RBFOX1: variants seen among roughly 807,000 people sequenced by gnomAD.
RBFOX1 encodes RNA binding protein fox-1 homolog 1.
In RBFOX1, 8 loss-of-function variants were observed where a neutral mutation model predicts 57.7. The observed-to-expected ratio is 0.14, with a 90% CI of 0.08 to 0.25. The LOEUF (loss-of-function observed/expected upper bound fraction) is 0.25, where lower values mean the gene tolerates loss of function less well. RBFOX1 is among the 10% of genes least tolerant of loss of function. RBFOX1 has a pLI of 1.00. For missense variants in RBFOX1, 611 were observed against 548.5 expected (o/e 1.11, Z -1.14); for synonymous variants, 326 against 222.4 (o/e 1.47, Z -4.15).
chr16:7,145,824 A>G (rs1312645319), intron 4 of RBFOX1, among the ~76,000 whole-genome samples: 1 of 152,050 alleles, frequency 6.6e-6, no homozygotes, highest in Non-Finnish European at 1.5e-5. Context: ...CACACACACT[A>G]CTTCTCCATG....
chr16:6,543,950 T>G (rs2096859483), intron 2 of RBFOX1, among the ~76,000 whole-genome samples: 1 of 152,194 alleles, frequency 6.6e-6, no homozygotes, highest in African/African-American at 2.4e-5. Context: ...GGCATTTTGC[T>G]TTTAAATCTA....
intron 4 of RBFOX1, among the ~76,000 whole-genome samples, chr16:7,261,265 A>G (rs932693590): frequency 1.3e-5 from 2 of 152,144 alleles, no homozygotes; most frequent in African/African-American, 4.8e-5. Flanking sequence ...ATTAAAGGAG[A>G]CAGTATATGA....
intron 3 of RBFOX1, among the ~76,000 whole-genome samples, chr16:6,706,711 CTTTTTTT>C (rs33986994): frequency 7.0e-6 from 1 of 142,256 alleles, no homozygotes. Flanking sequence ...CAGCTGCAGT[CTTTTTTT>C]TTTTTTTTTA....
At chr16:6,798,662 G>T (rs917853621) in intron 3 of RBFOX1, among the ~76,000 whole-genome samples, 1 of 152,096 alleles carries the variant, frequency 6.6e-6, no homozygotes, top group Non-Finnish European at 1.5e-5. Flanking sequence ...TGCTTTTTTG[G>T]CTTTAATTTT....
At chr16:7,389,430 G>C (rs74012532) in intron 4 of RBFOX1, among the ~76,000 whole-genome samples, 12,340 of 152,162 alleles carry the variant, frequency 0.081, 543 homozygotes, top group East Asian at 0.2. Flanking sequence ...CCAGCCAGAT[G>C]TAACTATTTA....
chr16:6,637,160 T>TTAAATATATAATATACAA (rs2098444714), intron 2 of RBFOX1, among the ~76,000 whole-genome samples: 1 of 87,354 alleles, frequency 1.1e-5, no homozygotes, highest in Non-Finnish European at 2.0e-5. Flanking sequence ...ACAATATATA[T>TTAAATATATAATATACAA]TATATATTAT....
intron 2 of RBFOX1, among the ~76,000 whole-genome samples, chr16:6,632,024 A>G (rs533693435): frequency 1.3e-5 from 2 of 152,244 alleles, no homozygotes; most frequent in East Asian, 1.9e-4. Flanking sequence ...ATCACACTCT[A>G]TTTGGATAAT....
intron 4 of RBFOX1, among the ~76,000 whole-genome samples, chr16:7,055,562 C>T (rs1026076464): frequency 6.6e-6 from 1 of 152,130 alleles, no homozygotes; most frequent in Non-Finnish European, 1.5e-5. Flanking sequence ...CTCCTTCACA[C>T]GTCTTGCATT....
At chr16:7,204,124 C>T (rs1281036137) in intron 4 of RBFOX1, among the ~76,000 whole-genome samples, 3 of 152,202 alleles carry the variant, frequency 2.0e-5, no homozygotes, top group Admixed American at 6.5e-5. Flanking sequence ...TCCACGGCAC[C>T]CACAGGGTAT....
At chr16:6,226,101 T>C (rs1349428460) in intron 1 of RBFOX1, among the ~76,000 whole-genome samples, 2 of 151,332 alleles carry the variant, frequency 1.3e-5, no homozygotes, top group African/African-American at 4.9e-5. Context: ...GGCTCATGCC[T>C]GTAATCCCAG....
intron 4 of RBFOX1, among the ~76,000 whole-genome samples, chr16:7,187,412 A>G (rs9926629): frequency 0.65 from 98,116 of 151,660 alleles, 32,474 homozygotes; most frequent in African/African-American, 0.79. Context: ...GCCCTTGGCC[A>G]GGCACGGTGG....
At chr16:6,308,535 C>G (rs1599460681) in intron 1 of RBFOX1, among the ~76,000 whole-genome samples, 1 of 152,204 alleles carries the variant, frequency 6.6e-6, no homozygotes, top group Non-Finnish European at 1.5e-5. Context: ...GTTGCCTGCA[C>G]TTGAACATCC....
Position 6,956,616 on chromosome 16 carries a change from C to G in RBFOX1, c.-15-95441C>G, listed in dbSNP as rs536631492. ...CAGAGGAGTGAGTGGTTCAAATCCA[C>G]AGCCCGTCTTCCCTTCTTGTGCCTG... On this transcript the variant is annotated intron_variant, in intron 3 of 15. Coordinates refer to ENST00000550418, the MANE Select transcript of RBFOX1 (RefSeq NM_018723.4). 2.0e-5 allele frequency among the ~76,000 whole-genome samples: 3 copies of G among 152,322 alleles called. No individual in the cohort carries two copies. In the East Asian group the frequency reaches 5.8e-4, roughly 29 times the overall value.
intron 2 of RBFOX1, among the ~76,000 whole-genome samples, chr16:6,426,949 G>A (rs1349047378): frequency 2.6e-5 from 4 of 151,998 alleles, no homozygotes; most frequent in Non-Finnish European, 5.9e-5. Flanking sequence ...CTCCATCAGT[G>A]TTTTGCCTTT....
chr16:6,933,256 G>C (rs1283109817), intron 3 of RBFOX1, among the ~76,000 whole-genome samples: 2 of 152,214 alleles, frequency 1.3e-5, no homozygotes, highest in Non-Finnish European at 2.9e-5. Context: ...GTGTATAGCT[G>C]CAAGTGAAAT....
intron 2 of RBFOX1, among the ~76,000 whole-genome samples, chr16:6,639,086 C>T (rs564042460): frequency 6.6e-6 from 1 of 152,310 alleles, no homozygotes; most frequent in South Asian, 2.1e-4. Context: ...CTCAGAGCAG[C>T]AGCCATTTCT....
chr16:6,545,891 C>T (rs2096887936), intron 2 of RBFOX1, among the ~76,000 whole-genome samples: 1 of 152,140 alleles, frequency 6.6e-6, no homozygotes, highest in South Asian at 2.1e-4. Flanking sequence ...TGATGCCAGG[C>T]CTAAAGCTCT....
chr16:6,861,747 C>A (rs531596539), intron 3 of RBFOX1, among the ~76,000 whole-genome samples: 1 of 151,072 alleles, frequency 6.6e-6, no homozygotes, highest in South Asian at 2.1e-4. Flanking sequence ...ATTTGAAAAC[C>A]CTATTGATAA....
At chr16:5,257,581 C>A (rs1393590683) in intron 1 of RBFOX1, among the ~76,000 whole-genome samples, 1 of 152,198 alleles carries the variant, frequency 6.6e-6, no homozygotes, top group Non-Finnish European at 1.5e-5. Flanking sequence ...ATGCAGCCAG[C>A]CTGTCTCTGG....
Sources: gnomAD v4.1 joint callset for allele counts (sites outside exome capture counted in the v4.1 genomes callset) on GRCh38, gnomAD v4.1.1 for gene constraint, MANE v1.5 for transcripts, NCBI Gene and HGNC (gene_info 2026-07-23, HGNC 2026-07-21) for gene names.